Variants in AIM2 observed in about 807,000 individuals in gnomAD.
AIM2 encodes the protein absent in melanoma 2.
Under a neutral mutation model 27.7 loss-of-function variants are expected in AIM2, and 30 were observed. That is an observed-to-expected ratio of 1.08 (90% CI 0.81 to 1.47). The LOEUF (loss-of-function observed/expected upper bound fraction) is 1.47. AIM2 is among the 40% of genes most tolerant of loss of function. The pLI is 0.00. For synonymous variants in AIM2, 141 were observed against 145.3 expected (o/e 0.97, Z 0.21); for missense variants, 358 against 411.3 (o/e 0.87, Z 1.12).
At chr1:159,073,193 C>T in intron 2 of AIM2, 45 bp downstream of exon 2, 2 of 1,608,758 alleles carry the variant, frequency 1.2e-6, no homozygotes, top group Admixed American at 1.7e-5. Flanking sequence ...AAGGCCCAGG[C>T]TTGGCAGAAA....
chr1:159,106,873 T>C (rs970668136), intron 1 of AIM2, among the ~76,000 whole-genome samples: 1 of 152,240 alleles, frequency 6.6e-6, no homozygotes, highest in Non-Finnish European at 1.5e-5. Flanking sequence ...GGAAGTGCTA[T>C]TATGAGGATT....
At position 159,073,210 on chromosome 1, in the gene AIM2, CG is replaced by C. The variant is rs747551630; in HGVS notation, c.262+27del. ...GGCCCAGGCTTGGCAGAAAAAGGGA[CG>C]GGGCAGGTGTGGAACTCCCACATTA... On this transcript the variant is annotated intron_variant, in intron 2 of 5. Coordinates refer to ENST00000368130, the MANE Select transcript of AIM2 (RefSeq NM_004833.3). 4 of 1,611,332 alleles carry C rather than the reference CG, an allele frequency of 2.5e-6. No homozygotes were observed. The African/African-American group carries it at 4.0e-5, about 16-fold the overall frequency.
At chr1:159,138,149 T>C (rs944959055) in intron 1 of AIM2, among the ~76,000 whole-genome samples, 1 of 152,194 alleles carries the variant, frequency 6.6e-6, no homozygotes, top group Non-Finnish European at 1.5e-5. Flanking sequence ...ATTGAAGAAA[T>C]AATGGACCTA....
At chr1:159,114,823 T>A (rs1443851602) in intron 1 of AIM2, among the ~76,000 whole-genome samples, 1 of 152,154 alleles carries the variant, frequency 6.6e-6, no homozygotes, top group Non-Finnish European at 1.5e-5. Context: ...GTGTTGGAAG[T>A]TCTGGCCAGG....
intron 1 of AIM2, among the ~76,000 whole-genome samples, chr1:159,103,381 CT>C (rs11464359): frequency 8.0e-5 from 12 of 149,692 alleles, no homozygotes; most frequent in African/African-American, 2.7e-4. Flanking sequence ...ACAATTCCCA[CT>C]TTTTTTTTTC....
At chr1:159,099,796 T>A (rs749733696) in intron 1 of AIM2, among the ~76,000 whole-genome samples, 28 of 152,142 alleles carry the variant, frequency 1.8e-4, no homozygotes, top group Non-Finnish European at 4.1e-4. Context: ...ACAAGATCAG[T>A]CTAAGACAAC....
At chr1:159,078,846 G>A (rs1325983065), upstream of AIM2, among the ~76,000 whole-genome samples, 1 of 152,160 alleles carries the variant, frequency 6.6e-6, no homozygotes, top group Non-Finnish European at 1.5e-5. Flanking sequence ...CAGAAGACTG[G>A]AGGCTCCTAC....
chr1:159,139,207 A>G (rs986233038), intron 1 of AIM2, among the ~76,000 whole-genome samples: 1 of 152,200 alleles, frequency 6.6e-6, no homozygotes, highest in Non-Finnish European at 1.5e-5. Flanking sequence ...TGGCTGAGAT[A>G]AAGTCTCCTA....
chr1:159,123,428 C>A (rs1235750695), intron 1 of AIM2: 1 of 152,216 alleles, frequency 6.6e-6, no homozygotes, highest in East Asian at 1.9e-4. Flanking sequence ...CAGTCTCTGT[C>A]TTTCAAATTA....
At chr1:159,110,599 T>C (rs1472816803) in intron 1 of AIM2, among the ~76,000 whole-genome samples, 1 of 152,176 alleles carries the variant, frequency 6.6e-6, no homozygotes, top group Non-Finnish European at 1.5e-5. Context: ...AGCCCACCTA[T>C]TGCCAAAGTG....
chr1:159,136,620 CA>C (rs745325431), intron 1 of AIM2, among the ~76,000 whole-genome samples: 1 of 152,178 alleles, frequency 6.6e-6, no homozygotes, highest in Non-Finnish European at 1.5e-5. Flanking sequence ...ACCATGGAAG[CA>C]AAGAGATCCA....
intron 1 of AIM2, among the ~76,000 whole-genome samples, chr1:159,097,031 C>T (rs893187874): frequency 7.9e-5 from 12 of 151,990 alleles, no homozygotes; most frequent in Admixed American, 2.6e-4. Flanking sequence ...AAAATAAAGT[C>T]GGGAAGTAGG....
intron 2 of AIM2, among the ~76,000 whole-genome samples, chr1:159,069,749 T>C (rs1656270976): frequency 6.6e-6 from 1 of 152,170 alleles, no homozygotes; most frequent in South Asian, 2.1e-4. Flanking sequence ...TTCACCATGT[T>C]GTTAAGGCTG....
intron 1 of AIM2, among the ~76,000 whole-genome samples, chr1:159,093,759 C>T (rs926385978): frequency 6.7e-6 from 1 of 148,168 alleles, no homozygotes; most frequent in Non-Finnish European, 1.5e-5. Context: ...GAGAGAGAGA[C>T]GGAGTCTTGT....
chr1:159,141,952 C>G (rs1648123283), upstream of AIM2, among the ~76,000 whole-genome samples: 1 of 152,196 alleles, frequency 6.6e-6, no homozygotes, highest in South Asian at 2.1e-4. Context: ...AGCCTTTGCT[C>G]TCCTTTCCTC....
chr1:159,113,347 A>G (rs912848310), intron 1 of AIM2, among the ~76,000 whole-genome samples: 6 of 152,216 alleles, frequency 3.9e-5, no homozygotes, highest in African/African-American at 1.4e-4. Context: ...GCCAGAAATC[A>G]AAAGACCTCT....
At chr1:159,089,304 T>C (rs978558038) in intron 1 of AIM2, among the ~76,000 whole-genome samples, 2 of 152,232 alleles carry the variant, frequency 1.3e-5, no homozygotes, top group African/African-American at 4.8e-5. Context: ...ACTAAGGTCA[T>C]ACAATTAGTG....
chr1:159,067,871 C>A (rs1358115143), intron 3 of AIM2, among the ~76,000 whole-genome samples: 1 of 152,044 alleles, frequency 6.6e-6, no homozygotes, highest in Non-Finnish European at 1.5e-5. Context: ...ACGTTGTCTG[C>A]CACTCCCTCA....
chr1:159,140,264 T>C lies in AIM2; in HGVS notation c.-16+167A>G, dbSNP rs1648085858. On this transcript the variant is annotated intron_variant, in intron 1 of 2. Coordinates refer to the AIM2 transcript ENST00000368129. ...GCCTTCCACCAAGGTAACCCAGAAA[T>C]GTAAAGCTATGTTAGCTCTTACTAG... Among the ~76,000 whole-genome samples the C allele has an allele frequency of 2.6e-5, 4 of 152,350 alleles. No homozygotes were observed. The South Asian group carries it at 6.2e-4, about 24-fold the overall frequency.
Sources: allele counts gnomAD v4.1 joint callset (sites outside exome capture counted in the v4.1 genomes callset), GRCh38; gene constraint gnomAD v4.1.1; transcripts MANE v1.5; gene names NCBI Gene and HGNC (gene_info 2026-07-23, HGNC 2026-07-21).